The following LYSMD1 variants were observed in gnomAD, a reference collection of about 807,000 sequenced individuals.
LYSMD1 encodes LysM domain containing 1.
LYSMD1 carries 9 observed loss-of-function variants against 19.3 expected under a neutral mutation model. That is an observed-to-expected ratio of 0.47 (90% CI 0.28 to 0.81). The LOEUF (loss-of-function observed/expected upper bound fraction) is 0.81. Ranked by LOEUF, LYSMD1 falls within the 40% of genes least tolerant of loss-of-function variation. The pLI is 0.11. For synonymous variants in LYSMD1, 111 were observed against 111.7 expected (o/e 0.99, Z 0.04); for missense variants, 262 against 279.8 (o/e 0.94, Z 0.45).
intron 1 of LYSMD1, 26 bp downstream of exon 1, chr1:151,165,053 C>G (rs587669978): frequency 6.2e-7 from 1 of 1,604,702 alleles, no homozygotes; most frequent in Non-Finnish European, 8.5e-7. Flanking sequence ...TGACTGTTGT[C>G]TTCACCCCAA....
the LYSMD1 span, among the ~76,000 whole-genome samples, chr1:151,149,469 G>A: frequency 6.6e-6 from 1 of 151,982 alleles, no homozygotes; most frequent in African/African-American, 2.4e-5. Context: ...CACAGTCCTG[G>A]CCGGGCGCAG....
chr1:151,160,343 A>C lies in LYSMD1; in HGVS notation c.*539T>G, dbSNP rs1434609786. The C allele has an allele frequency of 6.6e-6, 1 of 151,688 alleles. No individual in the cohort carries two copies. The highest frequency in any genetic ancestry group is 1.5e-5 in the Non-Finnish European group (1 of 68,098). The allele number at this position is 151,688 out of a possible 1,614,324, so 9.4% of individuals were successfully genotyped here. ...GGTGGGCTATATCACCGATTGCCTC[A>C]TCCTCAATAACATGTTTGGCTAACA... On this transcript the variant is annotated 3_prime_UTR_variant, in exon 3 of 3. Transcript: ENST00000368908.
chr1:151,152,221 C>G, the LYSMD1 span, among the ~76,000 whole-genome samples: 1 of 151,558 alleles, frequency 6.6e-6, no homozygotes, highest in Admixed American at 6.6e-5. Flanking sequence ...CATGGTGAAA[C>G]CCCGTGTCGA....
At chr1:151,149,374 G>T in the LYSMD1 span, among the ~76,000 whole-genome samples, 1 of 152,164 alleles carries the variant, frequency 6.6e-6, no homozygotes, top group South Asian at 2.1e-4. Flanking sequence ...TCCAGCCTGG[G>T]TGACACAGAG....
chr1:151,161,167 C>G, intron 2 of LYSMD1, 147 bp from the exon 3 acceptor site: 1 of 760,628 alleles, frequency 1.3e-6, no homozygotes, highest in Non-Finnish European at 2.1e-6. Context: ...AAATCCTAAC[C>G]CTAATGCTCC....
Position 151,165,286 on chromosome 1 carries a change from G to C in LYSMD1, c.-28C>G. The C allele has an allele frequency of 1.2e-6, 2 of 1,600,340 alleles. No homozygotes were observed. Among genetic ancestry groups the C allele is most frequent in the Non-Finnish European group, 1.7e-6 (2 of 1,171,962 alleles). On this transcript the variant is annotated 5_prime_UTR_variant, in exon 1 of 3. Transcript: ENST00000368908. ...CTTCACCCTGCCAACAGCTAAGGTTGCAACTAGGGGAGGTACGACCGAGAC... is the reference window on the plus strand; with the variant it reads ...CTTCACCCTGCCAACAGCTAAGGTTCCAACTAGGGGAGGTACGACCGAGAC...
chr1:151,163,193 G>A (rs1367300725), intron 1 of LYSMD1, among the ~76,000 whole-genome samples: 1 of 151,958 alleles, frequency 6.6e-6, no homozygotes. Flanking sequence ...TGGAAAACTT[G>A]TATTCATCAA....
At chr1:151,152,055 C>G in the LYSMD1 span, among the ~76,000 whole-genome samples, 1 of 150,856 alleles carries the variant, frequency 6.6e-6, no homozygotes, top group Non-Finnish European at 1.5e-5. Context: ...AACAAACAAA[C>G]ATCCTATGGC....
rs1317469614 is a variant in LYSMD1 at position 151,161,281 on chromosome 1, A to G, written c.546-261T>C. 2.6e-5 allele frequency among the ~76,000 whole-genome samples: 4 copies of G among 152,256 alleles called. No individual in the cohort carries two copies. In the East Asian group the frequency reaches 7.7e-4, roughly 29 times the overall value. On this transcript the variant is annotated intron_variant, in intron 2 of 2. Coordinates refer to ENST00000368908, the MANE Select transcript of LYSMD1 (RefSeq NM_212551.5). ...GGGAGGCCGAGGCTGGCGGATCACG[A>G]GGTCAGGAGATTGAGATCATCCTGG... is the stretch of plus-strand genomic sequence containing the variant.
In LYSMD1 at chr1:151,165,399, A is replaced by C; in HGVS notation, c.-141T>G. 1 of 1,436,728 alleles carries C rather than the reference A, an allele frequency of 7.0e-7. No homozygotes were observed. Among genetic ancestry groups the C allele is most frequent in the South Asian group, 1.5e-5 (1 of 67,782 alleles). 89.0% of individuals were successfully genotyped at this position (1,436,728 alleles called of 1,614,324 possible). ...TCCCCTGTGTCCCCGCCTCCCCAGC[A>C]CTACGCCATCTGCCCCCTCCCGGTT... is the stretch of plus-strand genomic sequence containing the variant. On this transcript the variant is annotated 5_prime_UTR_variant, in exon 1 of 3. Coordinates refer to ENST00000368908, the MANE Select transcript of LYSMD1 (RefSeq NM_212551.5).
chr1:151,165,589 A>C lies in LYSMD1; in HGVS notation c.-331T>G. On this transcript the variant is annotated 5_prime_UTR_variant, in exon 1 of 3. Coordinates refer to ENST00000368908, the MANE Select transcript of LYSMD1 (RefSeq NM_212551.5). The stretch of plus-strand genomic sequence containing the variant: ...AAATAATCCTCAACACTCTTTCCTC[A>C]GTTTGCCCCCAAGTAGCCTGGCCTC... The C allele has an allele frequency of 6.7e-7, 1 of 1,496,508 alleles. No individual in the cohort carries two copies. The highest frequency in any genetic ancestry group is 8.9e-7 in the Non-Finnish European group (1 of 1,127,472). 92.7% of individuals were successfully genotyped at this position (1,496,508 alleles called of 1,614,324 possible). A position where few individuals can be genotyped will look rare whatever the true frequency, so the allele number is the denominator to read the frequency against.
chr1:151,159,935 G>C lies in LYSMD1; in HGVS notation c.*947C>G, dbSNP rs912667265. ...TAAGAAACAAAACAACTGTACCATA[G>C]ATCAGTGCTACAAATCGCAAATAAA... On this transcript the variant is annotated 3_prime_UTR_variant, in exon 3 of 3. Transcript: ENST00000368908. 1 of 163,320 alleles carries C rather than the reference G, an allele frequency of 6.1e-6. No homozygotes were observed. The highest frequency in any genetic ancestry group is 1.5e-5 in the Non-Finnish European group (1 of 68,192). The allele number at this position is 163,320 out of a possible 1,614,324, so 10.1% of individuals were successfully genotyped here. A position where few individuals can be genotyped will look rare whatever the true frequency, so the allele number is the denominator to read the frequency against.
intron 1 of LYSMD1, 85 bp downstream of exon 1, chr1:151,164,994 G>A: frequency 1.7e-6 from 2 of 1,157,390 alleles, no homozygotes; most frequent in Non-Finnish European, 2.5e-6. Flanking sequence ...CATTTCAGGG[G>A]AGGTTACCTA....
chr1:151,158,590 A>T (rs1490555932), downstream of LYSMD1: 4 of 1,099,764 alleles, frequency 3.6e-6, no homozygotes, highest in Non-Finnish European at 5.2e-6. Context: ...TGATGATGAC[A>T]TGGAAACTAA....
At chr1:151,158,573 A>G (rs925696812), downstream of LYSMD1, 2 of 996,580 alleles carry the variant, frequency 2.0e-6, no homozygotes, top group African/African-American at 1.6e-5. Flanking sequence ...AGGATGACAA[A>G]CAAAGATGAT....
At chr1:151,155,706 A>T (rs1683201803), downstream of LYSMD1, among the ~76,000 whole-genome samples, 1 of 152,072 alleles carries the variant, frequency 6.6e-6, no homozygotes, top group Non-Finnish European at 1.5e-5. Flanking sequence ...ACAGAGTGAG[A>T]CCCTATCTCA....
At chr1:151,154,500 G>A in the LYSMD1 span, among the ~76,000 whole-genome samples, 3 of 141,164 alleles carry the variant, frequency 2.1e-5, no homozygotes, top group Non-Finnish European at 4.6e-5. Flanking sequence ...GAAAGAAAGA[G>A]AGAGAGAGAG....
downstream of LYSMD1, chr1:151,158,872 G>A (rs769016761): frequency 9.9e-6 from 16 of 1,614,098 alleles, no homozygotes; most frequent in South Asian, 2.2e-5. Context: ...GGCCCAGCGC[G>A]TGATCAAGGA....
In LYSMD1 at chr1:151,164,235, T is replaced by C. The variant is rs114852210; in HGVS notation, c.180+844A>G. Among the ~76,000 whole-genome samples, 418 of 152,304 alleles carry C rather than the reference T, an allele frequency of 2.7e-3. 3 individuals carry two copies. Among genetic ancestry groups the C allele is most frequent in the African/African-American group, 9.7e-3 (405 of 41,552 alleles). ...ACCTTTACAAACTCACCACATTCTG[T>C]CACTTGTAATCATTATTTGTGTCCC... On this transcript the variant is annotated intron_variant, in intron 1 of 2. Coordinates refer to ENST00000368908, the MANE Select transcript of LYSMD1 (RefSeq NM_212551.5).
Sources: gnomAD v4.1 joint callset for allele counts (sites outside exome capture counted in the v4.1 genomes callset) on GRCh38, gnomAD v4.1.1 for gene constraint, MANE v1.5 for transcripts, NCBI Gene and HGNC (gene_info 2026-07-23, HGNC 2026-07-21) for gene names.